The following QTGAL variants were observed in gnomAD, a reference collection of about 807,000 sequenced individuals.
The protein encoded by QTGAL is BGnT-like protein 1.
the QTGAL span, among the ~76,000 whole-genome samples, chr17:82,946,589 CAG>C: frequency 9.9e-5 from 3 of 30,246 alleles, no homozygotes; most frequent in African/African-American, 2.9e-4. Context: ...TGTGTGTACA[CAG>C]AAATTTTAAA....
chr17:82,968,556 G>C, the QTGAL span, among the ~76,000 whole-genome samples: 393 of 145,042 alleles, frequency 2.7e-3, 17 homozygotes, highest in African/African-American at 8.7e-3. Context: ...AACAGGGAAG[G>C]GAGGCAGTCA....
the QTGAL span, among the ~76,000 whole-genome samples, chr17:82,973,009 C>T: frequency 6.6e-6 from 1 of 152,208 alleles, no homozygotes; most frequent in South Asian, 2.1e-4. Context: ...AAGGAGGGGG[C>T]CCCTGTGTCA....
At chr17:82,962,917 CCT>C in the QTGAL span, among the ~76,000 whole-genome samples, 6 of 152,166 alleles carry the variant, frequency 3.9e-5, no homozygotes, top group African/African-American at 7.2e-5. Flanking sequence ...TCTCCCCTCC[CCT>C]GATTGCTGCT....
the QTGAL span, among the ~76,000 whole-genome samples, chr17:83,002,152 T>C: frequency 6.6e-6 from 1 of 152,044 alleles, no homozygotes; most frequent in Non-Finnish European, 1.5e-5. Flanking sequence ...TAAAAGAACA[T>C]TGATTCATTT....
the QTGAL span, chr17:82,961,140 C>T: frequency 6.2e-7 from 1 of 1,608,182 alleles, no homozygotes; most frequent in Non-Finnish European, 8.5e-7. Context: ...CGCCGCCCTT[C>T]CTGAGGTGCT....
At chr17:82,975,899 G>GTC in the QTGAL span, among the ~76,000 whole-genome samples, 11 of 36,320 alleles carry the variant, frequency 3.0e-4, no homozygotes, top group Admixed American at 2.5e-3. Flanking sequence ...TATGGGGAAC[G>GTC]AGGGCCCCGG....
chr17:82,968,745 A>C, the QTGAL span, among the ~76,000 whole-genome samples: 3 of 152,204 alleles, frequency 2.0e-5, no homozygotes, highest in Non-Finnish European at 4.4e-5. Context: ...CACGTCTGTA[A>C]TCCCAGCACT....
At chr17:82,984,851 C>T in the QTGAL span, among the ~76,000 whole-genome samples, 1 of 152,292 alleles carries the variant, frequency 6.6e-6, no homozygotes, top group East Asian at 1.9e-4. Context: ...GTGAGTGCGG[C>T]CCACCCCGGG....
chr17:83,037,678 G>T, the QTGAL span, among the ~76,000 whole-genome samples: 1 of 152,184 alleles, frequency 6.6e-6, no homozygotes, highest in Admixed American at 6.5e-5. The surrounding 1 kb of genome is among the most constrained non-coding windows in gnomAD (Gnocchi z 5.2). Context: ...GCCGGAAGGG[G>T]CCTTCCACGA....
At chr17:82,964,114 G>C in the QTGAL span, among the ~76,000 whole-genome samples, 1 of 151,332 alleles carries the variant, frequency 6.6e-6, no homozygotes, top group Non-Finnish European at 1.5e-5. Context: ...TAGGAAAAAA[G>C]TAGCTGGGCA....
the QTGAL span, among the ~76,000 whole-genome samples, chr17:82,959,408 T>C: frequency 6.6e-6 from 1 of 151,776 alleles, no homozygotes; most frequent in Admixed American, 6.6e-5. Flanking sequence ...TACGTGTGTA[T>C]ACTTTCGTGC....
chr17:82,976,027 C>G, the QTGAL span, among the ~76,000 whole-genome samples: 1 of 99,664 alleles, frequency 1.0e-5, no homozygotes, highest in Non-Finnish European at 1.9e-5. Flanking sequence ...GGAACGAGGG[C>G]CCCGGGACAG....
At chr17:82,989,220 T>C in the QTGAL span, among the ~76,000 whole-genome samples, 1 of 152,012 alleles carries the variant, frequency 6.6e-6, no homozygotes, top group Non-Finnish European at 1.5e-5. Context: ...GTGGAAGCCA[T>C]TATCCTCAGC....
chr17:82,996,481 G>A, the QTGAL span, among the ~76,000 whole-genome samples: 8 of 146,364 alleles, frequency 5.5e-5, no homozygotes, highest in East Asian at 2.0e-4. Context: ...GAGAACGCGC[G>A]ACTGCACTCC....
At chr17:83,042,459 A>G in the QTGAL span, among the ~76,000 whole-genome samples, 8 of 152,262 alleles carry the variant, frequency 5.3e-5, no homozygotes, top group Non-Finnish European at 1.2e-4. Flanking sequence ...ACATGATTGA[A>G]GCTAAGTGTT....
the QTGAL span, chr17:82,942,467 C>T: frequency 2.5e-6 from 4 of 1,613,988 alleles, no homozygotes; most frequent in African/African-American, 1.3e-5. Flanking sequence ...CTGCTGAAGC[C>T]AGTCCTGGAG....
chr17:83,009,537 G>A, the QTGAL span, among the ~76,000 whole-genome samples: 2 of 152,222 alleles, frequency 1.3e-5, no homozygotes, highest in Admixed American at 6.5e-5. Flanking sequence ...AGGGCCCTTG[G>A]CTCTAAAGAC....
At chr17:83,021,577 A>G in the QTGAL span, among the ~76,000 whole-genome samples, 4 of 152,366 alleles carry the variant, frequency 2.6e-5, no homozygotes, top group Admixed American at 1.3e-4. Context: ...ACTCAATACT[A>G]AGATCCTCAA....
At chr17:82,944,382 T>TA in the QTGAL span, 2 of 152,076 alleles carry the variant, frequency 1.3e-5, no homozygotes, top group Admixed American at 6.5e-5. Context: ...GTCCAGGTGA[T>TA]AGAGTTTGGC....
Sources: gnomAD v4.1 joint callset for allele counts (sites outside exome capture counted in the v4.1 genomes callset) on GRCh38, gnomAD v4.1.1 for gene constraint, Gnocchi (gnomAD v3.1) non-coding constraint, MANE v1.5 for transcripts, NCBI Gene and HGNC (gene_info 2026-07-23, HGNC 2026-07-21) for gene names.